Variants in MRPL14 observed in about 807,000 individuals in gnomAD.
MRPL14 encodes the protein large ribosomal subunit protein uL14m.
MRPL14 carries 8 observed loss-of-function variants against 10.9 expected under a neutral mutation model. The observed-to-expected ratio is 0.74, with a 90% CI of 0.43 to 1.33. MRPL14 has a LOEUF of 1.33. Among genes scored for constraint, MRPL14 ranks in the 40% most tolerant of loss-of-function variants. The pLI, the probability that MRPL14 is intolerant of heterozygous loss-of-function variation, is 0.01. For missense variants in MRPL14, 179 were observed against 194.5 expected, an observed-to-expected ratio of 0.92 and a Z score of 0.47; for synonymous variants, 82 against 74.1, an observed-to-expected ratio of 1.11 and a Z score of -0.54.
Position 44,113,912 on chromosome 6 carries a change from G to C in MRPL14, c.369C>G (p.Ile123Met), listed in dbSNP as rs1775577774. The change falls in exon 3 of 3, where the codon ATC becomes ATG. Residue 123 changes from isoleucine to methionine, a missense_variant. Coordinates refer to ENST00000372014, the MANE Select transcript of MRPL14 (RefSeq NM_032111.4). ...CTTCCCGCTTGCGCAGGCTGGTGGG[G>C]ATGGGTGTCTTAATTCGTGTCCCCA... ...NPVGTRIKTP[I>M]PTSLRKREGE... The C allele has an allele frequency of 6.2e-7, 1 of 1,608,064 alleles. No homozygotes were observed. Among genetic ancestry groups the C allele is most frequent in the African/African-American group, 1.3e-5 (1 of 74,896 alleles).
In MRPL14 at chr6:44,114,001, G is replaced by A. The variant is rs1582712792; in HGVS notation, c.280C>T (p.Pro94Ser). The stretch of plus-strand genomic sequence containing the variant: ...GAGTCGAATCTGGGGGTCATTCGGG[G>A]GCCAGGCATGCAGTGCCCCACAATG... ...ALIVGHCMPG[P>S]RMTPRFDSNN... is the part of the protein sequence containing the mutation. The change falls in exon 3 of 3, where the codon CCC (proline) becomes TCC (serine). Residue 94 changes from proline to serine, a missense_variant. Transcript: ENST00000372014. The A allele has an allele frequency of 6.2e-7, 1 of 1,614,134 alleles. No individual in the cohort carries two copies. The highest frequency in any genetic ancestry group is 8.5e-7 in the Non-Finnish European group (1 of 1,180,002).
intron 1 of MRPL14, among the ~76,000 whole-genome samples, chr6:44,124,881 C>G (rs763792300): frequency 5.3e-5 from 8 of 152,156 alleles, no homozygotes; most frequent in Non-Finnish European, 1.0e-4. Context: ...CGAGACCCCC[C>G]CTACAGCCCT....
chr6:44,119,834 A>G (rs1425346371), intron 1 of MRPL14, among the ~76,000 whole-genome samples: 1 of 152,152 alleles, frequency 6.6e-6, no homozygotes. Context: ...GAGAGAGAAG[A>G]GCGTCCTGAA....
At chr6:44,116,738 A>G (rs113065691) in intron 1 of MRPL14, 109 bp from the exon 2 acceptor site, 5 of 715,406 alleles carry the variant, frequency 7.0e-6, no homozygotes, top group Non-Finnish European at 1.3e-5. Context: ...CAAGATCATT[A>G]GTCACAAAAT....
In MRPL14 at chr6:44,116,620, A is replaced by G; in HGVS notation, c.-9T>C. 1 of 1,613,884 alleles carries G rather than the reference A, an allele frequency of 6.2e-7. No individual in the cohort carries two copies. Among genetic ancestry groups the G allele is most frequent in the East Asian group, 2.2e-5 (1 of 44,892 alleles). ...CCAGTAAAGAAAGCCATGGGATCCC[A>G]AGATAGATCCTGCAGGAAAAACGAG... is the stretch of plus-strand genomic sequence containing the variant. On this transcript the variant is annotated 5_prime_UTR_variant, in exon 2 of 3. Transcript: ENST00000372014.
Position 44,127,421 on chromosome 6 carries a change from A to C in MRPL14, c.-96T>G, listed in dbSNP as rs1187290157. On this transcript the variant is annotated 5_prime_UTR_variant, in exon 1 of 3. Transcript: ENST00000372014. ...CCTTCGCCCCACGCGGCCTCTTCCT[A>C]GCGCCTGCGCGCCAGGCCCAGCCCG... The C allele has an allele frequency of 6.6e-6, 1 of 150,826 alleles. No individual in the cohort carries two copies. The highest frequency in any genetic ancestry group is 2.5e-5 in the African/African-American group (1 of 40,756). 9.3% of individuals were successfully genotyped at this position (150,826 alleles called of 1,614,324 possible).
At chr6:44,116,336 A>T (rs1300084978) in intron 2 of MRPL14, among the ~76,000 whole-genome samples, 1 of 152,130 alleles carries the variant, frequency 6.6e-6, no homozygotes, top group African/African-American at 2.4e-5. Context: ...TCCCCATCAC[A>T]CTTCTAACAG....
rs56204643 is a variant in MRPL14, at chr6:44,117,840, GTTTTTTTTTTTT to G, written c.-18-1223_-18-1212del. ...CCAGGACGCCTGGCTAATTTTTTGTGTTTTTTTTTTTTTTTTTTTTTTTTTTGTAGAGATGAT... is the reference window on the plus strand; with the variant it reads ...CCAGGACGCCTGGCTAATTTTTTGTGTTTTTTTTTTTTTTGTAGAGATGAT... On this transcript the variant is annotated intron_variant, in intron 1 of 2. Coordinates refer to ENST00000372014, the MANE Select transcript of MRPL14 (RefSeq NM_032111.4). Among the ~76,000 whole-genome samples the G allele has an allele frequency of 1.5e-4, 11 of 75,364 alleles. No homozygotes were observed. In the South Asian group the frequency reaches 1.6e-3, roughly 11 times the overall value. 49.4% of individuals were successfully genotyped at this position (75,364 alleles called of 152,430 possible). A position where few individuals can be genotyped will look rare whatever the true frequency, so the allele number is the denominator to read the frequency against.
intron 2 of MRPL14, among the ~76,000 whole-genome samples, chr6:44,116,254 G>A (rs1775838074): frequency 2.0e-5 from 3 of 152,174 alleles, no homozygotes; most frequent in East Asian, 3.8e-4. Context: ...GGAATGATAG[G>A]GTTGAGAGAT....
chr6:44,114,617 C>CT (rs77748632), intron 2 of MRPL14, among the ~76,000 whole-genome samples: 9,915 of 151,658 alleles, frequency 0.065, 521 homozygotes, highest in East Asian at 0.22. Context: ...CCCTAATTTT[C>CT]TTTTTTTTTG....
chr6:44,121,435 T>C (rs1462173583), intron 1 of MRPL14, among the ~76,000 whole-genome samples: 2 of 152,182 alleles, frequency 1.3e-5, no homozygotes, highest in Non-Finnish European at 2.9e-5. Flanking sequence ...ATTTTCCATC[T>C]TGCTTTAAGA....
In MRPL14 at chr6:44,113,918, T is replaced by C. The variant is rs763539119; in HGVS notation, c.363A>G (p.Thr121=). The C allele has an allele frequency of 1.2e-5, 19 of 1,608,460 alleles. No homozygotes were observed. Among genetic ancestry groups the C allele is most frequent in the Non-Finnish European group, 1.4e-5 (17 of 1,175,520 alleles). ...GCTTGCGCAGGCTGGTGGGGATGGG[T>C]GTCTTAATTCGTGTCCCCACAGGGT... ...NGNPVGTRIK[T]PIPTSLRKRE... Residue 121 remains threonine (T), a synonymous_variant, in exon 3 of 3, where the codon ACA becomes ACG. Coordinates refer to ENST00000372014, the MANE Select transcript of MRPL14 (RefSeq NM_032111.4).
intron 1 of MRPL14, among the ~76,000 whole-genome samples, chr6:44,118,781 A>G (rs1400879877): frequency 6.6e-6 from 1 of 152,020 alleles, no homozygotes; most frequent in East Asian, 1.9e-4. Context: ...TCTGACTAAC[A>G]TGGAGAAACC....
rs1369001914 is a variant in MRPL14 at position 44,115,115 on chromosome 6, T to C, written c.72-906A>G. Among the ~76,000 whole-genome samples, 4 of 152,296 alleles carry C rather than the reference T, an allele frequency of 2.6e-5. No homozygotes were observed. In the East Asian group the frequency reaches 5.8e-4, roughly 22 times the overall value. On this transcript the variant is annotated intron_variant, in intron 2 of 2. Transcript: ENST00000372014. ...GTATTATTAAGCAAGCTGATTACAG[T>C]GGGATTCCTATTTTCCTGATGCTAG...
intron 1 of MRPL14, among the ~76,000 whole-genome samples, chr6:44,119,013 C>A (rs796931692): frequency 4.6e-5 from 7 of 151,934 alleles, no homozygotes; most frequent in Non-Finnish European, 7.4e-5. Flanking sequence ...GAAATGGGTA[C>A]AATTATTATT....
chr6:44,113,678 G>T lies in MRPL14; in HGVS notation c.*165C>A. 1 of 713,000 alleles carries T rather than the reference G, an allele frequency of 1.4e-6. No individual in the cohort carries two copies. Among genetic ancestry groups the T allele is most frequent in the Non-Finnish European group, 2.1e-6 (1 of 483,750 alleles). The allele number at this position is 713,000 out of a possible 1,614,324, so 44.2% of individuals were successfully genotyped here. On this transcript the variant is annotated 3_prime_UTR_variant, in exon 3 of 3. Transcript: ENST00000372014. ...AATTTATTTTCCCACATCCCAGAAA[G>T]CTCTGGAAAAACACATAAATGAATA...
At chr6:44,115,756 C>A (rs984693229) in intron 2 of MRPL14, among the ~76,000 whole-genome samples, 1 of 152,200 alleles carries the variant, frequency 6.6e-6, no homozygotes, top group Non-Finnish European at 1.5e-5. Flanking sequence ...GGAACCACTT[C>A]CCCAAGCACA....
In MRPL14 at chr6:44,116,869, TA is replaced by T. The variant is rs1008825092; in HGVS notation, c.-18-241del. ...GAATGGCCCACAACAGCTTCTGCTA[TA>T]AAAAAATACAACAGCACGGAGAATG... On this transcript the variant is annotated intron_variant, in intron 1 of 2. Transcript: ENST00000372014. Among the ~76,000 whole-genome samples, 4 of 152,244 alleles carry T rather than the reference TA, an allele frequency of 2.6e-5. No homozygotes were observed. The East Asian group carries it at 7.7e-4, about 29-fold the overall frequency.
intron 1 of MRPL14, among the ~76,000 whole-genome samples, chr6:44,125,654 CAAAAAAAAAAAAA>C (rs56951374): frequency 6.2e-5 from 4 of 64,596 alleles, no homozygotes; most frequent in East Asian, 4.3e-4. Flanking sequence ...GAGACTGTCT[CAAAAAAAAAAAAA>C]AAAAAAAAAA....
Sources: gnomAD v4.1 joint callset for allele counts (sites outside exome capture counted in the v4.1 genomes callset) on GRCh38, gnomAD v4.1.1 for gene constraint, MANE v1.5 for transcripts, NCBI Gene and HGNC (gene_info 2026-07-23, HGNC 2026-07-21) for gene names.